Variants in JCHAIN observed in about 807,000 individuals in gnomAD.
The protein encoded by JCHAIN is immunoglobulin J chain.
Under a neutral mutation model 11.1 loss-of-function variants are expected in JCHAIN, and 5 were observed. The ratio of observed to expected loss-of-function variants is 0.45; its 90% CI spans 0.24 to 0.95. JCHAIN has a LOEUF of 0.95. JCHAIN is among the 40% of genes least tolerant of loss of function. JCHAIN has a pLI of 0.21. For missense variants in JCHAIN, 165 were observed against 192.7 expected, an observed-to-expected ratio of 0.86 and a Z score of 0.85; for synonymous variants, 51 against 67.8, an observed-to-expected ratio of 0.75 and a Z score of 1.22.
Position 70,656,356 on chromosome 4 carries a change from T to A in JCHAIN, c.453A>T (p.Leu151Phe). 1 of 1,614,006 alleles carries A rather than the reference T, an allele frequency of 6.2e-7. No individual in the cohort carries two copies. Among genetic ancestry groups the A allele is most frequent in the Non-Finnish European group, 8.5e-7 (1 of 1,179,860 alleles). Residue 151 changes from leucine (L) to phenylalanine (F), a missense_variant, in exon 4 of 4, where the codon TTA (leucine) becomes TTT (phenylalanine). Physicochemically the swap from Leu to Phe is conservative, Grantham distance 22. Coordinates refer to ENST00000254801, the MANE Select transcript of JCHAIN (RefSeq NM_144646.4). Reference protein sequence around the residue: ...GGETKMVETALTPDACYPD With the variant: ...GGETKMVETAFTPDACYPD ...AGTCAGGATAGCAGGCATCTGGGGT[T>A]AAGGCTGTTTCCACCATTTTGGTCT... is the stretch of plus-strand genomic sequence containing the variant.
chr4:70,660,898 C>T (rs1209469834), intron 2 of JCHAIN, among the ~76,000 whole-genome samples: 1 of 152,020 alleles, frequency 6.6e-6, no homozygotes, highest in East Asian at 1.9e-4. Context: ...TTTAATATGT[C>T]CCAGAAATAT....
At chr4:70,662,013 G>T in intron 2 of JCHAIN, 79 bp downstream of exon 2, 1 of 1,368,980 alleles carries the variant, frequency 7.3e-7, no homozygotes, top group Non-Finnish European at 1.0e-6. Flanking sequence ...AGAGGCAGGT[G>T]TTACATTCAA....
intron 3 of JCHAIN, 147 bp from the exon 4 acceptor site, chr4:70,656,686 A>G: frequency 3.2e-6 from 2 of 623,120 alleles, no homozygotes; most frequent in Admixed American, 2.8e-5. Context: ...GCTCTACAAT[A>G]CAGAATAGCT....
chr4:70,656,344 G>A lies in JCHAIN; in HGVS notation c.465C>T (p.Ala155=), dbSNP rs754357230. 2 of 1,613,138 alleles carry A rather than the reference G, an allele frequency of 1.2e-6. No individual in the cohort carries two copies. Among genetic ancestry groups the A allele is most frequent in the Non-Finnish European group, 1.7e-6 (2 of 1,179,234 alleles). ...ATGACTTAAATTAGTCAGGATAGCA[G>A]GCATCTGGGGTTAAGGCTGTTTCCA... is the stretch of plus-strand genomic sequence containing the variant. ...KMVETALTPD[A]CYPD is the part of the protein sequence containing the mutation. Residue 155 remains alanine (A), a synonymous_variant, in exon 4 of 4, where the codon GCC becomes GCT. Coordinates refer to ENST00000254801, the MANE Select transcript of JCHAIN (RefSeq NM_144646.4).
Position 70,662,122 on chromosome 4 carries a change from T to C in JCHAIN, c.158A>G (p.Glu53Gly), listed in dbSNP as rs1269330503. Residue 53 changes from glutamate to glycine, a missense_variant, in exon 2 of 4, where the codon GAG (glutamate) becomes GGG (glycine). Transcript: ENST00000254801. ...TCGGATGTTTCTCTCCACAATGTCC[T>C]CATTAGGATCTTCGGAAGAACGGAT... ...RIIRSSEDPNEDIVERNIRII... is the reference protein window; with the variant it reads ...RIIRSSEDPNGDIVERNIRII... The C allele has an allele frequency of 6.2e-7, 1 of 1,613,766 alleles. No individual in the cohort carries two copies. Among genetic ancestry groups the C allele is most frequent in the African/African-American group, 1.3e-5 (1 of 75,054 alleles).
chr4:70,664,103 T>G (rs1739108121), intron 1 of JCHAIN: 1 of 152,162 alleles, frequency 6.6e-6, no homozygotes, highest in Non-Finnish European at 1.5e-5. Flanking sequence ...GGCACACACC[T>G]GTAATCCCAG....
intron 2 of JCHAIN, among the ~76,000 whole-genome samples, chr4:70,658,566 T>C (rs1194244988): frequency 1.3e-5 from 2 of 152,222 alleles, no homozygotes; most frequent in East Asian, 3.8e-4. Context: ...CTGGTTACAG[T>C]GTGCCTGGTA....
Position 70,659,851 on chromosome 4 carries a change from A to T in JCHAIN, c.188+2241T>A, listed in dbSNP as rs890041369. Reference sequence around the variant, plus strand: ...CACTGCATTCCAACCCGGGTGACAGAGGGAGACTCCATCTCAAAATAATGA... The same window carrying T: ...CACTGCATTCCAACCCGGGTGACAGTGGGAGACTCCATCTCAAAATAATGA... On this transcript the variant is annotated intron_variant, in intron 2 of 3. Transcript: ENST00000254801. Among the ~76,000 whole-genome samples, 3 of 152,044 alleles carry T rather than the reference A, an allele frequency of 2.0e-5. No homozygotes were observed. In the South Asian group the frequency reaches 6.2e-4, roughly 31 times the overall value.
At chr4:70,662,840 T>A (rs1739088044) in intron 1 of JCHAIN, among the ~76,000 whole-genome samples, 2 of 151,882 alleles carry the variant, frequency 1.3e-5, no homozygotes, top group South Asian at 4.2e-4. Flanking sequence ...ATGCCTGTAG[T>A]CCCAGCTACT....
chr4:70,666,320 C>T, intron 1 of JCHAIN, 107 bp downstream of exon 1: 1 of 685,146 alleles, frequency 1.5e-6, no homozygotes, highest in Non-Finnish European at 2.5e-6. Context: ...GAAAAAGTAG[C>T]TGGCTAACTG....
At chr4:70,659,257 C>T (rs1056200964) in intron 2 of JCHAIN, among the ~76,000 whole-genome samples, 2 of 151,838 alleles carry the variant, frequency 1.3e-5, no homozygotes, top group African/African-American at 4.8e-5. Flanking sequence ...GGGAATAATA[C>T]CATAATGGCA....
At chr4:70,661,971 T>G in intron 2 of JCHAIN, 121 bp downstream of exon 2, 1 of 872,158 alleles carries the variant, frequency 1.1e-6, no homozygotes, top group South Asian at 1.7e-5. Flanking sequence ...TCTTTACTCA[T>G]GTAAAGTGCT....
At chr4:70,659,879 A>G (rs1322290165) in intron 2 of JCHAIN, among the ~76,000 whole-genome samples, 1 of 152,088 alleles carries the variant, frequency 6.6e-6, no homozygotes, top group African/African-American at 2.4e-5. Context: ...AATAATGATA[A>G]GAATAATAAT....
rs115651637 is a variant in JCHAIN, at chr4:70,661,458, T to C, written c.188+634A>G. Among the ~76,000 whole-genome samples, 474 of 152,312 alleles carry C rather than the reference T, an allele frequency of 3.1e-3. 3 individuals carry two copies. The highest frequency in any genetic ancestry group is 0.01 in the African/African-American group (430 of 41,566). ...CTTTAGTGTTATCTGAAGTTTCAGT[T>C]TGAACTGATCAAAGGCAACTGAAAG... On this transcript the variant is annotated intron_variant, in intron 2 of 3. Transcript: ENST00000254801.
chr4:70,658,009 T>A (rs1284621343), intron 2 of JCHAIN, among the ~76,000 whole-genome samples: 2 of 152,164 alleles, frequency 1.3e-5, no homozygotes, highest in Non-Finnish European at 2.9e-5. Flanking sequence ...TTCCTTCTCA[T>A]GTGCAGCCCT....
intron 2 of JCHAIN, among the ~76,000 whole-genome samples, chr4:70,661,089 T>C (rs747547744): frequency 1.3e-5 from 2 of 152,184 alleles, no homozygotes; most frequent in Non-Finnish European, 2.9e-5. Context: ...CTTAAACACA[T>C]TATACTTTTT....
chr4:70,656,363 G>C lies in JCHAIN; in HGVS notation c.446C>G (p.Thr149Arg). 6.2e-7 allele frequency: 1 copy of C among 1,614,010 alleles called. No individual in the cohort carries two copies. Among genetic ancestry groups the C allele is most frequent in the Non-Finnish European group, 8.5e-7 (1 of 1,179,874 alleles). Residue 149 changes from threonine to arginine, a missense_variant, in exon 4 of 4, where the codon ACA becomes AGA. By Grantham distance (71) the Thr-to-Arg change is moderately conservative (BLOSUM62 -1). Transcript: ENST00000254801. ...VYGGETKMVE[T>R]ALTPDACYPD ...ATAGCAGGCATCTGGGGTTAAGGCTGTTTCCACCATTTTGGTCTCACCACC... is the reference window on the plus strand; with the variant it reads ...ATAGCAGGCATCTGGGGTTAAGGCTCTTTCCACCATTTTGGTCTCACCACC...
At chr4:70,660,576 G>A (rs1293096727) in intron 2 of JCHAIN, among the ~76,000 whole-genome samples, 2 of 152,092 alleles carry the variant, frequency 1.3e-5, no homozygotes, top group East Asian at 3.9e-4. Flanking sequence ...TAGAGACGGG[G>A]TTTCACCATG....
chr4:70,658,117 CCT>C (rs1367042224), intron 2 of JCHAIN, among the ~76,000 whole-genome samples: 4 of 152,110 alleles, frequency 2.6e-5, no homozygotes, highest in Non-Finnish European at 5.9e-5. Flanking sequence ...TGAATCCTCC[CCT>C]GTCACATATC....
Sources: gnomAD v4.1 joint callset for allele counts (sites outside exome capture counted in the v4.1 genomes callset) on GRCh38, gnomAD v4.1.1 for gene constraint, MANE v1.5 for transcripts, NCBI Gene and HGNC (gene_info 2026-07-23, HGNC 2026-07-21) for gene names.